Variants in NKAIN3 observed in about 807,000 individuals in gnomAD.
NKAIN3 encodes the protein sodium/potassium-transporting ATPase subunit beta-1-interacting protein 3.
Under a neutral mutation model 30.2 loss-of-function variants are expected in NKAIN3, and 25 were observed. The observed-to-expected ratio is 0.83, with a 90% CI of 0.60 to 1.16. The LOEUF (loss-of-function observed/expected upper bound fraction) is 1.16, where lower values mean the gene tolerates loss of function less well. Ranked by LOEUF, NKAIN3 falls within the 50% of genes most tolerant of loss-of-function variation. NKAIN3 has a pLI of 0.00. For synonymous variants in NKAIN3, 91 were observed against 89.6 expected, an observed-to-expected ratio of 1.02 and a Z score of -0.09; for missense variants, 225 against 254.1, an observed-to-expected ratio of 0.89 and a Z score of 0.78.
intron 3 of NKAIN3, among the ~76,000 whole-genome samples, chr8:62,690,590 G>A (rs1228147062): frequency 2.0e-5 from 3 of 152,160 alleles, no homozygotes; most frequent in African/African-American, 4.8e-5. Flanking sequence ...CAGTCAGTCT[G>A]GCTGGCAGCA....
intron 1 of NKAIN3, among the ~76,000 whole-genome samples, chr8:62,577,265 G>A (rs1810141365): frequency 6.6e-6 from 1 of 151,798 alleles, no homozygotes; most frequent in Non-Finnish European, 1.5e-5. Flanking sequence ...AGAGTGCCTT[G>A]AATATAAAAT....
At chr8:62,577,426 A>G (rs1810145116) in intron 1 of NKAIN3, among the ~76,000 whole-genome samples, 2 of 148,676 alleles carry the variant, frequency 1.3e-5, no homozygotes, top group African/African-American at 2.5e-5. Flanking sequence ...GCTTTTTGTC[A>G]TGCACAACTG....
At chr8:62,287,946 C>T (rs1813434563) in intron 1 of NKAIN3, among the ~76,000 whole-genome samples, 1 of 152,180 alleles carries the variant, frequency 6.6e-6, no homozygotes, top group African/African-American at 2.4e-5. Flanking sequence ...TATGTTCTAG[C>T]ACTTCCTAGT....
At chr8:62,527,676 A>G (rs1808347444) in intron 1 of NKAIN3, among the ~76,000 whole-genome samples, 1 of 152,152 alleles carries the variant, frequency 6.6e-6, no homozygotes, top group African/African-American at 2.4e-5. Flanking sequence ...GCAATGTTTT[A>G]GAAAATGTAT....
At chr8:62,625,099 A>G (rs1015381278) in intron 3 of NKAIN3, among the ~76,000 whole-genome samples, 5 of 152,092 alleles carry the variant, frequency 3.3e-5, no homozygotes, top group Non-Finnish European at 2.9e-5. Flanking sequence ...GACTCTGGCT[A>G]TGATGCTTAT....
intron 4 of NKAIN3, among the ~76,000 whole-genome samples, chr8:62,764,795 G>T (rs908999210): frequency 6.6e-6 from 1 of 152,286 alleles, no homozygotes; most frequent in Non-Finnish European, 1.5e-5. Context: ...CAAATCATGA[G>T]ATTTATGTGT....
chr8:62,685,072 G>T (rs1393437205), intron 3 of NKAIN3, among the ~76,000 whole-genome samples: 4 of 152,210 alleles, frequency 2.6e-5, no homozygotes, highest in Non-Finnish European at 4.4e-5. Flanking sequence ...AAATGCTCCA[G>T]AAGACAGTGT....
At chr8:62,510,224 A>G (rs1266257689) in intron 1 of NKAIN3, among the ~76,000 whole-genome samples, 1 of 152,200 alleles carries the variant, frequency 6.6e-6, no homozygotes, top group East Asian at 1.9e-4. Context: ...TATCTGTTAG[A>G]AATGCTTGCA....
intron 5 of NKAIN3, among the ~76,000 whole-genome samples, chr8:62,993,657 A>G (rs16930062): frequency 0.2 from 29,669 of 151,902 alleles, 3,003 homozygotes; most frequent in East Asian, 0.41. Flanking sequence ...TCTTGTCCTT[A>G]GCCTCTGGTA....
intron 1 of NKAIN3, among the ~76,000 whole-genome samples, chr8:62,268,739 G>A (rs1176628161): frequency 1.3e-5 from 2 of 152,066 alleles, no homozygotes; most frequent in South Asian, 2.1e-4. Flanking sequence ...ATTGCTGGCC[G>A]ATAAACAGAG....
At chr8:62,269,941 T>A (rs1812730126) in intron 1 of NKAIN3, among the ~76,000 whole-genome samples, 1 of 152,196 alleles carries the variant, frequency 6.6e-6, no homozygotes, top group Non-Finnish European at 1.5e-5. Context: ...GTACTTTCCT[T>A]TAAGTATAAA....
intron 1 of NKAIN3, among the ~76,000 whole-genome samples, chr8:62,514,411 A>G (rs1437106185): frequency 7.2e-5 from 11 of 152,228 alleles, no homozygotes; most frequent in Admixed American, 2.0e-4. Context: ...AGATGAAATT[A>G]TATATAAGAA....
At chr8:62,938,780 A>C (rs550046719) in intron 5 of NKAIN3, among the ~76,000 whole-genome samples, 2 of 152,330 alleles carry the variant, frequency 1.3e-5, no homozygotes, top group East Asian at 1.9e-4. Context: ...CTTCCCTCTG[A>C]CATAGTCTAC....
intron 4 of NKAIN3, chr8:62,863,756 T>C (rs995364607): frequency 8.1e-6 from 13 of 1,608,134 alleles, no homozygotes; most frequent in African/African-American, 1.3e-5. Flanking sequence ...CCCCTACATA[T>C]CCCAGCACAG....
At chr8:62,878,926 C>G (rs1171658047) in intron 4 of NKAIN3, among the ~76,000 whole-genome samples, 8 of 152,044 alleles carry the variant, frequency 5.3e-5, no homozygotes, top group African/African-American at 1.9e-4. Context: ...GGACATTTGG[C>G]TTGGTTCCAA....
chr8:62,723,216 C>A (rs1219109174), intron 3 of NKAIN3, among the ~76,000 whole-genome samples: 1 of 152,034 alleles, frequency 6.6e-6, no homozygotes, highest in African/African-American at 2.4e-5. Context: ...ATTAAAACAA[C>A]ATTTATTATT....
At chr8:62,400,966 G>T (rs527605200) in intron 1 of NKAIN3, among the ~76,000 whole-genome samples, 5 of 149,670 alleles carry the variant, frequency 3.3e-5, no homozygotes, top group African/African-American at 1.2e-4. Flanking sequence ...CTTTCTCTAG[G>T]TTTGGGAAAT....
At chr8:62,577,344 A>C (rs1335579289) in intron 1 of NKAIN3, among the ~76,000 whole-genome samples, 1 of 152,016 alleles carries the variant, frequency 6.6e-6, no homozygotes, top group Non-Finnish European at 1.5e-5. Context: ...TAATATCATA[A>C]AAGAGAATGT....
chr8:62,661,311 G>T (rs1022128558), intron 3 of NKAIN3, among the ~76,000 whole-genome samples: 2 of 152,134 alleles, frequency 1.3e-5, no homozygotes, highest in African/African-American at 4.8e-5. Context: ...TGTGCCACAG[G>T]CCACCTGCTT....
Sources: allele counts gnomAD v4.1 joint callset (sites outside exome capture counted in the v4.1 genomes callset), GRCh38; gene constraint gnomAD v4.1.1; transcripts MANE v1.5; gene names NCBI Gene and HGNC (gene_info 2026-07-23, HGNC 2026-07-21).